Variants in MNS1 observed in about 807,000 individuals in gnomAD.
MNS1 encodes meiosis specific nuclear structural 1.
A neutral mutation model predicts 72.0 loss-of-function variants in MNS1; 63 were observed. The observed-to-expected ratio is 0.87, with a 90% CI of 0.71 to 1.08. The LOEUF (loss-of-function observed/expected upper bound fraction) is 1.08. MNS1 is among the 50% of genes least tolerant of loss of function. The pLI, the probability that MNS1 is intolerant of heterozygous loss-of-function variation, is 0.00. For missense variants in MNS1, 604 were observed against 562.4 expected (o/e 1.07, Z -0.75); for synonymous variants, 188 against 172.1 (o/e 1.09, Z -0.72).
chr15:56,459,745 CT>C (rs1255590941), intron 2 of MNS1, among the ~76,000 whole-genome samples: 5 of 151,410 alleles, frequency 3.3e-5, no homozygotes, highest in African/African-American at 1.2e-4. Context: ...TTTGGGAGCA[CT>C]TTGGGAGGCC....
At chr15:56,449,146 G>A (rs1457651839) in intron 3 of MNS1, among the ~76,000 whole-genome samples, 2 of 152,066 alleles carry the variant, frequency 1.3e-5, no homozygotes, top group Non-Finnish European at 2.9e-5. Context: ...CCTAGCACCT[G>A]TCTTTGCTTT....
rs374476223 is a variant in MNS1 at position 56,439,751 on chromosome 15, T to TA, written c.1011+3678dup. Among the ~76,000 whole-genome samples, 302 of 82,402 alleles carry TA rather than the reference T, an allele frequency of 3.7e-3. 1 individual carries two copies. The highest frequency in any genetic ancestry group is 6.6e-3 in the East Asian group (21 of 3,168). The allele number at this position is 82,402 out of a possible 152,430, so 54.1% of individuals were successfully genotyped here. On this transcript the variant is annotated intron_variant, in intron 7 of 9. Coordinates refer to ENST00000260453, the MANE Select transcript of MNS1 (RefSeq NM_018365.4). Reference sequence around the variant, plus strand: ...GATTGAAATGTAAAATGGAAAAGCATAAAAAAAAAAAACCCAAAAAAACAA... The same window carrying TA: ...GATTGAAATGTAAAATGGAAAAGCATAAAAAAAAAAAAACCCAAAAAAACAA...
At chr15:56,432,411 TAC>T (rs1356281573) in intron 8 of MNS1, among the ~76,000 whole-genome samples, 1 of 152,130 alleles carries the variant, frequency 6.6e-6, no homozygotes, top group Non-Finnish European at 1.5e-5. Flanking sequence ...TAGACAGAAT[TAC>T]AGATACCTAT....
In MNS1 at chr15:56,444,564, A is replaced by G. The variant is rs1220369852; in HGVS notation, c.566T>C (p.Leu189Pro). 6.2e-7 allele frequency: 1 copy of G among 1,612,964 alleles called. No individual in the cohort carries two copies. Among genetic ancestry groups the G allele is most frequent in the South Asian group, 1.1e-5 (1 of 91,026 alleles). ...TTCTTCAAGTTGTTTCTCTAAGTCA[A>G]GATAGTACTGTGCTTTCGCTTTGTT... ...KRNKAKAQYY[L>P]DLEKQLEEQE... is the part of the protein sequence containing the mutation. Residue 189 changes from leucine (L) to proline (P), a missense_variant, in exon 5 of 10, where the codon CTT (leucine) becomes CCT (proline). Coordinates refer to ENST00000260453, the MANE Select transcript of MNS1 (RefSeq NM_018365.4).
intron 5 of MNS1, 93 bp downstream of exon 5, chr15:56,444,351 G>A: frequency 9.8e-6 from 10 of 1,017,264 alleles, no homozygotes; most frequent in Non-Finnish European, 1.3e-5. Context: ...CTATGTATTA[G>A]GCACTGTTCT....
intron 3 of MNS1, among the ~76,000 whole-genome samples, chr15:56,452,029 C>A (rs1442317585): frequency 6.6e-6 from 1 of 152,088 alleles, no homozygotes; most frequent in Non-Finnish European, 1.5e-5. Context: ...TTTACTATAA[C>A]TACTAATATA....
intron 7 of MNS1, among the ~76,000 whole-genome samples, chr15:56,438,714 A>C (rs567679765): frequency 6.6e-6 from 1 of 152,352 alleles, no homozygotes; most frequent in East Asian, 1.9e-4. Flanking sequence ...GCCAACCTAC[A>C]GAATGGGAGA....
At chr15:56,443,237 T>G (rs779540693) in intron 7 of MNS1, among the ~76,000 whole-genome samples, 193 bp downstream of exon 7, 3 of 152,206 alleles carry the variant, frequency 2.0e-5, no homozygotes, top group Admixed American at 2.0e-4. Flanking sequence ...CTTTTTATGG[T>G]AAGTTTATAA....
chr15:56,438,653 T>C (rs1288718483), intron 7 of MNS1, among the ~76,000 whole-genome samples: 1 of 152,084 alleles, frequency 6.6e-6, no homozygotes, highest in Non-Finnish European at 1.5e-5. Context: ...TGGGATCTAA[T>C]TAAACTAAAG....
chr15:56,444,794 G>C lies in MNS1; in HGVS notation c.457-121C>G, dbSNP rs2050879978. On this transcript the variant is annotated intron_variant, in intron 4 of 9. Transcript: ENST00000260453. ...TTACATAAAATAAATTTTTTCATCT[G>C]TCTAGGTTAAAAAGCAAAAGTAAGT... 4.4e-6 allele frequency: 4 copies of C among 913,710 alleles called. No individual in the cohort carries two copies. In the South Asian group the frequency reaches 7.1e-5, roughly 16 times the overall value. 56.6% of individuals were successfully genotyped at this position (913,710 alleles called of 1,614,324 possible). A position where few individuals can be genotyped will look rare whatever the true frequency, so the allele number is the denominator to read the frequency against.
chr15:56,458,418 A>G (rs536029578), intron 2 of MNS1, among the ~76,000 whole-genome samples: 1 of 152,202 alleles, frequency 6.6e-6, no homozygotes, highest in East Asian at 1.9e-4. Context: ...AGACTGGTAC[A>G]TTTGTTACAC....
intron 8 of MNS1, among the ~76,000 whole-genome samples, chr15:56,433,560 T>TA (rs2050657515): frequency 6.6e-6 from 1 of 152,144 alleles, no homozygotes; most frequent in African/African-American, 2.4e-5. Context: ...GTGGATCCCT[T>TA]ATCTATTTGC....
chr15:56,439,170 T>C (rs2140345063), intron 7 of MNS1, among the ~76,000 whole-genome samples: 1 of 152,146 alleles, frequency 6.6e-6, no homozygotes, highest in Middle Eastern at 3.4e-3. Flanking sequence ...AAGCTAACAT[T>C]CCATTTACGA....
chr15:56,464,341 G>T, intron 1 of MNS1, 94 bp from the exon 2 acceptor site: 1 of 895,812 alleles, frequency 1.1e-6, no homozygotes, highest in Non-Finnish European at 1.7e-6. Flanking sequence ...GAAAGGATAC[G>T]AAGAGCCTGG....
chr15:56,449,573 A>G (rs1479529962), intron 3 of MNS1, among the ~76,000 whole-genome samples: 1 of 152,206 alleles, frequency 6.6e-6, no homozygotes, highest in Non-Finnish European at 1.5e-5. Flanking sequence ...TATCGTATTC[A>G]GGTAATGATC....
rs1384869113 is a variant in MNS1 at position 56,434,115 on chromosome 15, A to G, written c.1269+23T>C. On this transcript the variant is annotated intron_variant, in intron 8 of 9. Transcript: ENST00000260453. ...TTGCTGTTTAATGATAATGACCAAA[A>G]AAACCCCACAACTTTTTCTTACTTT... The G allele has an allele frequency of 3.7e-6, 6 of 1,601,566 alleles. No homozygotes were observed. In the African/African-American group the frequency reaches 4.1e-5, roughly 11 times the overall value.
rs2051034517 is a variant in MNS1, at chr15:56,463,319, A to G, written c.225+707T>C. 2.0e-5 allele frequency among the ~76,000 whole-genome samples: 3 copies of G among 152,308 alleles called. No homozygotes were observed. The Middle Eastern group carries it at 0.01, about 518-fold the overall frequency. The stretch of plus-strand genomic sequence containing the variant: ...TGAAAGGCAACACAATTGTACTTAC[A>G]TGAACAAAACTGGTAGTAATTACAG... On this transcript the variant is annotated intron_variant, in intron 2 of 9. Coordinates refer to ENST00000260453, the MANE Select transcript of MNS1 (RefSeq NM_018365.4).
intron 4 of MNS1, chr15:56,445,885 ATTGT>A (rs1275234080): frequency 1.3e-5 from 2 of 152,050 alleles, no homozygotes; most frequent in Non-Finnish European, 2.9e-5. Context: ...CAAACAGGAC[ATTGT>A]TTGTGCTACT....
rs2050594652 is a variant in MNS1 at position 56,431,487 on chromosome 15, T to C, written c.1281A>G (p.Leu427=). ...GCCTTTGCTGCAACTGCCACTCTTC[T>C]AGTTCACGTTGCTGGAAATGCAGAT... ...QQFLADKQRE[L]EEWQLQQRRQ... Residue 427 remains leucine (L), a synonymous_variant, in exon 9 of 10, where the codon CTA becomes CTG. Coordinates refer to ENST00000260453, the MANE Select transcript of MNS1 (RefSeq NM_018365.4). 1.2e-6 allele frequency: 2 copies of C among 1,613,570 alleles called. No individual in the cohort carries two copies. Among genetic ancestry groups the C allele is most frequent in the African/African-American group, 1.3e-5 (1 of 74,924 alleles).
Sources: allele counts gnomAD v4.1 joint callset (sites outside exome capture counted in the v4.1 genomes callset), GRCh38; gene constraint gnomAD v4.1.1; transcripts MANE v1.5; gene names NCBI Gene and HGNC (gene_info 2026-07-23, HGNC 2026-07-21).